Variants in SYNJ1 observed in about 807,000 individuals in gnomAD.
SYNJ1 encodes the protein polyphosphatidylinositol phosphatase SYNJ1.
Under a neutral mutation model 168.2 loss-of-function variants are expected in SYNJ1, and 78 were observed. The ratio of observed to expected loss-of-function variants is 0.46; its 90% CI spans 0.39 to 0.56. The LOEUF (loss-of-function observed/expected upper bound fraction) is 0.56. Among genes scored for constraint, SYNJ1 ranks in the 20% least tolerant of loss-of-function variants. The pLI is 0.00. For missense variants in SYNJ1, 1,303 were observed against 1,597.6 expected (o/e 0.82, Z 3.14); for synonymous variants, 539 against 548.6 (o/e 0.98, Z 0.24).
chr21:32,669,648 G>C (rs2041104173), intron 15 of SYNJ1, among the ~76,000 whole-genome samples: 1 of 151,998 alleles, frequency 6.6e-6, no homozygotes, highest in South Asian at 2.1e-4. Context: ...ACTACCATTT[G>C]GTATAGTGTC....
chr21:32,628,937 C>G lies in SYNJ1; in HGVS notation c.*2868G>C, dbSNP rs1410706354. ...AAACAGCAATCTAATATAGAGAACACAGAGTTCACAAAGAGATCCTTAGTG... is the reference window on the plus strand; with the variant it reads ...AAACAGCAATCTAATATAGAGAACAGAGAGTTCACAAAGAGATCCTTAGTG... On this transcript the variant is annotated 3_prime_UTR_variant, in exon 33 of 33. Transcript: ENST00000674351. 6.6e-6 allele frequency: 1 copy of G among 152,634 alleles called. No individual in the cohort carries two copies. Among genetic ancestry groups the G allele is most frequent in the Non-Finnish European group, 1.5e-5 (1 of 68,028 alleles). The allele number at this position is 152,634 out of a possible 1,614,324, so 9.5% of individuals were successfully genotyped here.
At chr21:32,702,752 T>C (rs1052704871) in intron 2 of SYNJ1, among the ~76,000 whole-genome samples, 32 of 152,194 alleles carry the variant, frequency 2.1e-4, no homozygotes, top group African/African-American at 7.7e-4. Context: ...TTTGCTTTTT[T>C]CCCTTTTCCA....
At chr21:32,723,102 A>G (rs377225810) in intron 2 of SYNJ1, among the ~76,000 whole-genome samples, 1 of 152,254 alleles carries the variant, frequency 6.6e-6, no homozygotes. Context: ...ATAATGTCAT[A>G]ACATCATGAC....
intron 26 of SYNJ1, 59 bp downstream of exon 26, chr21:32,644,909 T>C (rs1163215327): frequency 2.6e-6 from 4 of 1,533,190 alleles, no homozygotes; most frequent in Non-Finnish European, 3.6e-6. Context: ...AAAATGTCTT[T>C]CAGGTGTAAA....
chr21:32,701,639 A>T (rs2042406058), intron 3 of SYNJ1, among the ~76,000 whole-genome samples: 1 of 151,850 alleles, frequency 6.6e-6, no homozygotes, highest in African/African-American at 2.4e-5. Context: ...GTTCTCATGC[A>T]GACACTTTTT....
At chr21:32,636,877 T>G (rs967791473) in intron 31 of SYNJ1, among the ~76,000 whole-genome samples, 4 of 152,108 alleles carry the variant, frequency 2.6e-5, no homozygotes, top group African/African-American at 9.7e-5. Flanking sequence ...ACTTCAGGAT[T>G]TGAAACAAAT....
At chr21:32,645,131 A>G (rs1337790549) in intron 25 of SYNJ1, 125 bp from the exon 26 acceptor site, 9 of 837,528 alleles carry the variant, frequency 1.1e-5, no homozygotes, top group Non-Finnish European at 1.6e-5. Flanking sequence ...TTATCTACGT[A>G]CTACAAAAAC....
chr21:32,666,164 A>C (rs1486702610), intron 16 of SYNJ1, 29 bp from the exon 17 acceptor site: 3 of 1,570,568 alleles, frequency 1.9e-6, no homozygotes, highest in East Asian at 2.3e-5. Context: ...TAAATCGCAG[A>C]TTTGAAATTT....
intron 18 of SYNJ1, among the ~76,000 whole-genome samples, chr21:32,659,919 T>TG (rs1315746656): frequency 6.6e-6 from 1 of 152,164 alleles, no homozygotes; most frequent in Admixed American, 6.5e-5. Context: ...CACATCCCTG[T>TG]GGGGGACTCC....
intron 29 of SYNJ1, among the ~76,000 whole-genome samples, chr21:32,640,296 T>G (rs1265859859): frequency 6.6e-6 from 1 of 151,314 alleles, no homozygotes; most frequent in Non-Finnish European, 1.5e-5. Context: ...TGAGATTTGT[T>G]TTTTTTTTGG....
chr21:32,701,979 C>T lies in SYNJ1; in HGVS notation c.193G>A (p.Val65Ile), dbSNP rs375254567. 2 of 1,555,108 alleles carry T rather than the reference C, an allele frequency of 1.3e-6. No homozygotes were observed. Among genetic ancestry groups the T allele is most frequent in the African/African-American group, 2.7e-5 (2 of 74,204 alleles). Residue 65 changes from valine to isoleucine, a missense_variant, in exon 3 of 33, where the codon GTT becomes ATT. Val to Ile is a conservative substitution (Grantham distance 29). Coordinates refer to ENST00000674351, the MANE Select transcript of SYNJ1 (RefSeq NM_203446.3). ...KVLDAYGLLG[V>I]LRLNLGDTML... The stretch of plus-strand genomic sequence containing the variant: ...AACTTACCAAGATTTAACCGCAGAA[C>T]ACCTAAGAGTCCATATGCATCCAGT...
intron 22 of SYNJ1, among the ~76,000 whole-genome samples, chr21:32,650,590 T>C (rs1250207347): frequency 6.6e-6 from 1 of 152,258 alleles, no homozygotes; most frequent in East Asian, 1.9e-4. Context: ...TGCCCAGAGA[T>C]GCAAGTTTCC....
chr21:32,686,557 G>A (rs543850960), intron 8 of SYNJ1, among the ~76,000 whole-genome samples: 9 of 152,208 alleles, frequency 5.9e-5, no homozygotes, highest in South Asian at 4.1e-4. Context: ...AGTACAAGAA[G>A]GTATAGCGTT....
At chr21:32,646,871 A>G (rs1184767347) in intron 23 of SYNJ1, among the ~76,000 whole-genome samples, 1 of 152,134 alleles carries the variant, frequency 6.6e-6, no homozygotes, top group Non-Finnish European at 1.5e-5. Flanking sequence ...TGGGCTTTCA[A>G]TATGCCCCAG....
intron 9 of SYNJ1, among the ~76,000 whole-genome samples, 158 bp downstream of exon 9, chr21:32,685,590 C>T (rs967458335): frequency 2.6e-5 from 4 of 151,380 alleles, no homozygotes; most frequent in Non-Finnish European, 4.4e-5. Context: ...CAAAGTGAGG[C>T]CCTATTTCAA....
intron 32 of SYNJ1, 109 bp downstream of exon 32, chr21:32,634,752 A>G: frequency 9.0e-7 from 1 of 1,112,776 alleles, no homozygotes; most frequent in African/African-American, 1.6e-5. Context: ...TAATGGAGAC[A>G]GGTGGTTTTA....
At chr21:32,722,189 GAAAAAAAA>G (rs869294126) in intron 2 of SYNJ1, among the ~76,000 whole-genome samples, 1 of 112,576 alleles carries the variant, frequency 8.9e-6, no homozygotes, top group Non-Finnish European at 1.8e-5. Flanking sequence ...CCATCTCAAA[GAAAAAAAA>G]AAAAAAAAAT....
chr21:32,710,587 T>C (rs1472644166), intron 2 of SYNJ1, among the ~76,000 whole-genome samples: 2 of 152,060 alleles, frequency 1.3e-5, no homozygotes, highest in African/African-American at 4.8e-5. Context: ...TGCAGTGGCA[T>C]GATCATAGCT....
chr21:32,716,478 C>T (rs113561111), intron 2 of SYNJ1, among the ~76,000 whole-genome samples: 13 of 152,274 alleles, frequency 8.5e-5, no homozygotes, highest in African/African-American at 3.1e-4. Context: ...TAAAGATGTT[C>T]CCAATGTCCT....
Sources: gnomAD v4.1 joint callset for allele counts (sites outside exome capture counted in the v4.1 genomes callset) on GRCh38, gnomAD v4.1.1 for gene constraint, MANE v1.5 for transcripts, NCBI Gene and HGNC (gene_info 2026-07-23, HGNC 2026-07-21) for gene names.